The following YOD1 variants were observed in gnomAD, a reference collection of about 807,000 sequenced individuals.
YOD1 encodes ubiquitin thioesterase OTU1.
YOD1 carries 17 observed loss-of-function variants against 23.7 expected under a neutral mutation model. The ratio of observed to expected loss-of-function variants is 0.72; its 90% CI spans 0.49 to 1.07. The LOEUF (loss-of-function observed/expected upper bound fraction) is 1.07, where lower values mean the gene tolerates loss of function less well. Ranked by LOEUF, YOD1 falls within the 50% of genes least tolerant of loss-of-function variation. The pLI is 0.00. For synonymous variants in YOD1, 191 were observed against 169.6 expected (o/e 1.13, Z -0.98); for missense variants, 413 against 447.2 (o/e 0.92, Z 0.69).
chr1:207,050,626 T>A (rs1404127744), intron 1 of YOD1, 62 bp downstream of exon 1: 3 of 1,597,198 alleles, frequency 1.9e-6, no homozygotes, highest in Non-Finnish European at 2.6e-6. Context: ...GGTGTTTTGT[T>A]CTCTCTCACG....
At position 207,049,560 on chromosome 1, in the gene YOD1, G is replaced by A. The variant is rs868552174; in HGVS notation, c.507C>T (p.Val169=). The A allele has an allele frequency of 4.3e-6, 7 of 1,614,094 alleles. No individual in the cohort carries two copies. The Middle Eastern group carries it at 4.9e-4, about 114-fold the overall frequency. ...AAGCTGGATTCAAGACTCCTCCTTCGACGACATAGTACACACTAGTAAAGA... is the reference window on the plus strand; with the variant it reads ...AAGCTGGATTCAAGACTCCTCCTTCAACGACATAGTACACACTAGTAAAGA... The part of the protein sequence containing the change: ...SCLFTSVYYV[V]EGGVLNPACA... The change falls in exon 2 of 2, where the codon GTC becomes GTT. Residue 169 remains valine, a synonymous_variant. Transcript: ENST00000315927.
chr1:207,049,922 A>C (rs1236141696), intron 1 of YOD1, among the ~76,000 whole-genome samples, 199 bp from the exon 2 acceptor site: 3 of 152,240 alleles, frequency 2.0e-5, no homozygotes, highest in Admixed American at 6.5e-5. Flanking sequence ...AAGAACAAAA[A>C]ACACTTGAGG....
rs1374420583 is a variant in YOD1 at position 207,045,359 on chromosome 1, T to C, written c.*3661A>G. On this transcript the variant is annotated 3_prime_UTR_variant, in exon 2 of 2. Transcript: ENST00000315927. ...TTACTGAAATTGAGTTCTACTGTTA[T>C]CAAAACACCAGAATGTTGTGCCAAT... 1 of 152,494 alleles carries C rather than the reference T, an allele frequency of 6.6e-6. No homozygotes were observed. The highest frequency in any genetic ancestry group is 1.5e-5 in the Non-Finnish European group (1 of 67,912). The allele number at this position is 152,494 out of a possible 1,614,324, so 9.4% of individuals were successfully genotyped here.
chr1:207,050,525 C>T (rs957925022), intron 1 of YOD1, among the ~76,000 whole-genome samples, 163 bp downstream of exon 1: 1 of 152,196 alleles, frequency 6.6e-6, no homozygotes, highest in African/African-American at 2.4e-5. Context: ...GACACTTGCC[C>T]TGGCCCCCGT....
rs1380761700 is a variant in YOD1 at position 207,045,317 on chromosome 1, G to T, written c.*3703C>A. 2 of 152,460 alleles carry T rather than the reference G, an allele frequency of 1.3e-5. No homozygotes were observed. Among genetic ancestry groups the T allele is most frequent in the Non-Finnish European group, 2.9e-5 (2 of 67,918 alleles). 9.4% of individuals were successfully genotyped at this position (152,460 alleles called of 1,614,324 possible). On this transcript the variant is annotated 3_prime_UTR_variant, in exon 2 of 2. Transcript: ENST00000315927. ...GTAACATTTTTAATGCTAGGGCACA[G>T]ACCATGCTCCTAATAGTTACTGAAA...
At position 207,044,971 on chromosome 1, in the gene YOD1, A is replaced by G. The variant is rs1682559947; in HGVS notation, c.*4049T>C. On this transcript the variant is annotated 3_prime_UTR_variant, in exon 2 of 2. Transcript: ENST00000315927. ...AAAATGCTAGATAATTTTGAGAAAA[A>G]TAAACACTCTCCCACAACCAGGGAC... 2 of 152,518 alleles carry G rather than the reference A, an allele frequency of 1.3e-5. No homozygotes were observed. The highest frequency in any genetic ancestry group is 2.9e-5 in the Non-Finnish European group (2 of 67,948). 9.4% of individuals were successfully genotyped at this position (152,518 alleles called of 1,614,324 possible). A position where few individuals can be genotyped will look rare whatever the true frequency, so the allele number is the denominator to read the frequency against.
At position 207,050,806 on chromosome 1, in the gene YOD1, T is replaced by G. The variant is rs557030378; in HGVS notation, c.225A>C (p.Gln75His). Reference sequence around the variant, plus strand: ...GGGCGATCCCGGTGATGGCGGCAATTTGGCCCTGGAGTTCCCGCACCCGGG... The same window carrying G: ...GGGCGATCCCGGTGATGGCGGCAATGTGGCCCTGGAGTTCCCGCACCCGGG... ...SRTRVRELQGQIAAITGIAPG... is the reference protein window; with the variant it reads ...SRTRVRELQGHIAAITGIAPG... The change falls in exon 1 of 2, where the codon CAA (glutamine) becomes CAC (histidine). Residue 75 changes from glutamine (Q) to histidine (H), a missense_variant. By Grantham distance (24) the Gln-to-His change is conservative. Transcript: ENST00000315927. 3.1e-6 allele frequency: 5 copies of G among 1,613,280 alleles called. No homozygotes were observed. The East Asian group carries it at 8.9e-5, about 29-fold the overall frequency.
Position 207,049,304 on chromosome 1 carries a change from A to G in YOD1, c.763T>C (p.Tyr255His). 1 of 1,614,180 alleles carries G rather than the reference A, an allele frequency of 6.2e-7. No individual in the cohort carries two copies. The highest frequency in any genetic ancestry group is 8.5e-7 in the Non-Finnish European group (1 of 1,180,034). The part of the protein sequence containing the change: ...RIDRFGEDAG[Y>H]TKRVLLIYDG... ...TAAATAAGCAGAACCCTTTTGGTATATCCTGCATCTTCCCCAAAACGATCA... is the reference window on the plus strand; with the variant it reads ...TAAATAAGCAGAACCCTTTTGGTATGTCCTGCATCTTCCCCAAAACGATCA... Residue 255 changes from tyrosine (Y) to histidine (H), a missense_variant, in exon 2 of 2, where the codon TAT (tyrosine) becomes CAT (histidine). Transcript: ENST00000315927.
Position 207,049,193 on chromosome 1 carries a change from TATC to T in YOD1, c.871_873del (p.Asp291del). 1.9e-6 allele frequency: 3 copies of T among 1,614,058 alleles called. No homozygotes were observed. The highest frequency in any genetic ancestry group is 2.5e-6 in the Non-Finnish European group (3 of 1,180,026). ...AATTCCAGTGCTTGTACAAGAACAA[TATC>T]ATCATTAGAGGAGAAAATGGTCAGA... On this transcript the variant is annotated inframe_deletion, in exon 2 of 2. Coordinates refer to ENST00000315927, the MANE Select transcript of YOD1 (RefSeq NM_018566.4).
At chr1:207,050,587 C>G (rs973543293) in intron 1 of YOD1, 101 bp downstream of exon 1, 5 of 1,520,622 alleles carry the variant, frequency 3.3e-6, no homozygotes, top group East Asian at 4.6e-5. Flanking sequence ...AAAGCCCCCC[C>G]GCCGACTCAC....
intron 1 of YOD1, 102 bp from the exon 2 acceptor site, chr1:207,049,825 T>C (rs1682692543): frequency 9.5e-7 from 1 of 1,055,534 alleles, no homozygotes; most frequent in East Asian, 2.6e-5. Flanking sequence ...AGTTAAAGCA[T>C]AAACTGGGGT....
chr1:207,049,731 A>G lies in YOD1; in HGVS notation c.344-8T>C. The G allele has an allele frequency of 6.3e-7, 1 of 1,599,706 alleles. No individual in the cohort carries two copies. Among genetic ancestry groups the G allele is most frequent in the Non-Finnish European group, 8.5e-7 (1 of 1,173,484 alleles). The stretch of plus-strand genomic sequence containing the variant: ...CAATGATCAGCATGTCACCTGTTAA[A>G]AATAAAACAAATCCCGATCTGCAAA... On this transcript the variant is annotated splice_region_variant and splice_polypyrimidine_tract_variant and intron_variant, in intron 1 of 1. Transcript: ENST00000315927.
At position 207,049,221 on chromosome 1, in the gene YOD1, A is replaced by AG; in HGVS notation, c.845dup (p.Leu283SerfsTer7). ...CATCATTAGAGGAGAAAATGGTCAG[A>AG]GGAGGTGTATCTGGATCAGGGAAGT... is the stretch of plus-strand genomic sequence containing the variant. On this transcript the variant is annotated frameshift_variant, in exon 2 of 2. Coordinates refer to ENST00000315927, the MANE Select transcript of YOD1 (RefSeq NM_018566.4). LOFTEE classifies it high-confidence loss of function. 1 of 1,614,168 alleles carries AG rather than the reference A, an allele frequency of 6.2e-7. No homozygotes were observed.
intron 1 of YOD1, 76 bp downstream of exon 1, chr1:207,050,612 G>T: frequency 1.3e-6 from 2 of 1,587,094 alleles, no homozygotes; most frequent in South Asian, 2.3e-5. Context: ...ACCTTGCCTT[G>T]ACTGGTGTTT....
At chr1:207,053,008 A>G (rs1050508596), upstream of YOD1, 1 of 152,192 alleles carries the variant, frequency 6.6e-6, no homozygotes, top group African/African-American at 2.4e-5. Flanking sequence ...AAAAAAGTCA[A>G]GCTTTTTATT....
At chr1:207,050,234 G>A (rs1416936761) in intron 1 of YOD1, among the ~76,000 whole-genome samples, 1 of 152,104 alleles carries the variant, frequency 6.6e-6, no homozygotes, top group Non-Finnish European at 1.5e-5. Flanking sequence ...TGTTTTAAAA[G>A]CTAACTCGAA....
chr1:207,045,314 A>G lies in YOD1; in HGVS notation c.*3706T>C, dbSNP rs78516387. 2,383 of 152,624 alleles carry G rather than the reference A, an allele frequency of 0.016. 98 individuals carry two copies. Among genetic ancestry groups the G allele is most frequent in the Admixed American group, 0.096 (1,466 of 15,288 alleles). The allele number at this position is 152,624 out of a possible 1,614,324, so 9.5% of individuals were successfully genotyped here. On this transcript the variant is annotated 3_prime_UTR_variant, in exon 2 of 2. Transcript: ENST00000315927. Reference sequence around the variant, plus strand: ...TAAGTAACATTTTTAATGCTAGGGCACAGACCATGCTCCTAATAGTTACTG... The same window carrying G: ...TAAGTAACATTTTTAATGCTAGGGCGCAGACCATGCTCCTAATAGTTACTG...
rs763340916 is a variant in YOD1 at position 207,047,463 on chromosome 1, CT to C, written c.*1556del. ...TTAAAACATTTGCTAGGCAGATATG[CT>C]GAAAAAGATCCAAGTGCTTTAAAGT... On this transcript the variant is annotated 3_prime_UTR_variant, in exon 2 of 2. Coordinates refer to ENST00000315927, the MANE Select transcript of YOD1 (RefSeq NM_018566.4). 3.9e-5 allele frequency: 6 copies of C among 152,646 alleles called. No homozygotes were observed. Among genetic ancestry groups the C allele is most frequent in the Admixed American group, 6.5e-5 (1 of 15,298 alleles). 9.5% of individuals were successfully genotyped at this position (152,646 alleles called of 1,614,324 possible). A position where few individuals can be genotyped will look rare whatever the true frequency, so the allele number is the denominator to read the frequency against.
At position 207,047,759 on chromosome 1, in the gene YOD1, T is replaced by C. The variant is rs1682634185; in HGVS notation, c.*1261A>G. The C allele has an allele frequency of 6.6e-6, 1 of 152,634 alleles. No homozygotes were observed. 9.5% of individuals were successfully genotyped at this position (152,634 alleles called of 1,614,324 possible). A position where few individuals can be genotyped will look rare whatever the true frequency, so the allele number is the denominator to read the frequency against. Reference sequence around the variant, plus strand: ...GGAAGAAGCAGAATTCTGAGAAAGCTGCATAAGGCAAGGATTTACAATTTT... The same window carrying C: ...GGAAGAAGCAGAATTCTGAGAAAGCCGCATAAGGCAAGGATTTACAATTTT... On this transcript the variant is annotated 3_prime_UTR_variant, in exon 2 of 2. Transcript: ENST00000315927.
Sources: gnomAD v4.1 joint callset for allele counts (sites outside exome capture counted in the v4.1 genomes callset) on GRCh38, gnomAD v4.1.1 for gene constraint, MANE v1.5 for transcripts, NCBI Gene and HGNC (gene_info 2026-07-23, HGNC 2026-07-21) for gene names.